SGCZ: variants seen among roughly 807,000 people sequenced by gnomAD.
SGCZ encodes the protein sarcoglycan zeta.
SGCZ carries 40 observed loss-of-function variants against 41.3 expected under a neutral mutation model. The ratio of observed to expected loss-of-function variants is 0.97; its 90% CI spans 0.75 to 1.26. SGCZ has a LOEUF of 1.26. SGCZ is among the 50% of genes most tolerant of loss of function. The probability of loss-of-function intolerance (pLI) is 0.00; values close to 1 mark genes in which losing one functional copy is unlikely to be tolerated. For synonymous variants in SGCZ, 206 were observed against 137.5 expected, an observed-to-expected ratio of 1.50 and a Z score of -3.49; for missense variants, 552 against 369.8, an observed-to-expected ratio of 1.49 and a Z score of -4.04.
intron 1 of SGCZ, among the ~76,000 whole-genome samples, chr8:14,664,063 G>C (rs1348741802): frequency 6.6e-6 from 1 of 152,170 alleles, no homozygotes; most frequent in African/African-American, 2.4e-5. Flanking sequence ...ATAGAGCTAA[G>C]TGCTGTATTT....
intron 1 of SGCZ, among the ~76,000 whole-genome samples, chr8:14,952,302 A>G (rs573252412): frequency 6.6e-6 from 1 of 152,228 alleles, no homozygotes; most frequent in East Asian, 1.9e-4. Flanking sequence ...TTTAAAACCA[A>G]TTTGAAGTTA....
At chr8:14,207,981 A>C (rs1805672607) in intron 4 of SGCZ, among the ~76,000 whole-genome samples, 1 of 152,262 alleles carries the variant, frequency 6.6e-6, no homozygotes, top group East Asian at 1.9e-4. Flanking sequence ...AAAATGCTGA[A>C]CTGTCTTTAT....
intron 1 of SGCZ, among the ~76,000 whole-genome samples, chr8:14,959,388 G>A (rs1800892510): frequency 6.6e-6 from 1 of 152,028 alleles, no homozygotes; most frequent in Admixed American, 6.6e-5. Flanking sequence ...TTTCAAATTA[G>A]CAAGATTATA....
At chr8:15,076,295 G>A (rs188254201) in intron 1 of SGCZ, among the ~76,000 whole-genome samples, 89 of 152,256 alleles carry the variant, frequency 5.8e-4, no homozygotes, top group Non-Finnish European at 2.4e-4. Context: ...GGAAGTATAT[G>A]TGTTAGAGGT....
At chr8:14,858,986 T>G (rs1803633213) in intron 1 of SGCZ, among the ~76,000 whole-genome samples, 1 of 152,096 alleles carries the variant, frequency 6.6e-6, no homozygotes, top group Admixed American at 6.6e-5. Context: ...TTGCTAATTT[T>G]TGAAAAAAAG....
chr8:14,682,507 T>C (rs965560597), intron 1 of SGCZ, among the ~76,000 whole-genome samples: 1 of 150,664 alleles, frequency 6.6e-6, no homozygotes, highest in Non-Finnish European at 1.5e-5. Flanking sequence ...CAATCACGGC[T>C]CACTGCAATC....
rs183036296 is a variant in SGCZ, at chr8:14,615,437, T to C, written c.40-60511A>G. On this transcript the variant is annotated intron_variant, in intron 1 of 7. Transcript: ENST00000382080. Reference sequence around the variant, plus strand: ...TGCTGGGTGGAGCTCTCTGAACCCCTTCTGCTTCTGAGTACTGCCTGATTC... The same window carrying C: ...TGCTGGGTGGAGCTCTCTGAACCCCCTCTGCTTCTGAGTACTGCCTGATTC... 5.0e-4 allele frequency among the ~76,000 whole-genome samples: 76 copies of C among 152,334 alleles called. 2 individuals are homozygous for C. In the South Asian group the frequency reaches 8.5e-3, roughly 17 times the overall value.
Position 14,791,903 on chromosome 8 carries a change from TC to T in SGCZ, c.40-236978del, listed in dbSNP as rs1277534232. 3.9e-5 allele frequency among the ~76,000 whole-genome samples: 6 copies of T among 152,322 alleles called. 1 individual carries two copies. Among genetic ancestry groups the T allele is most frequent in the African/African-American group, 1.2e-4 (5 of 41,576 alleles). On this transcript the variant is annotated intron_variant, in intron 1 of 7. Transcript: ENST00000382080. ...ATACAGATGGGTTACCTAAATCAATTCTAGCCGCACTTTCTCAATGCAAAGC... is the reference window on the plus strand; with the variant it reads ...ATACAGATGGGTTACCTAAATCAATTTAGCCGCACTTTCTCAATGCAAAGC...
At position 14,780,268 on chromosome 8, in the gene SGCZ, G is replaced by A. The variant is rs7843005; in HGVS notation, c.40-225342C>T. 7.9e-3 allele frequency among the ~76,000 whole-genome samples: 1,190 copies of A among 151,444 alleles called. 14 individuals carry two copies. The highest frequency in any genetic ancestry group is 0.027 in the African/African-American group (1,099 of 41,212). On this transcript the variant is annotated intron_variant, in intron 1 of 7. Coordinates refer to ENST00000382080, the MANE Select transcript of SGCZ (RefSeq NM_139167.4). ...CGGGCACCTGTAGTCCCAGCTACTC[G>A]GGAGGCTGAGGCAGGAGAATAGCAC...
chr8:14,779,486 G>A (rs1282883809), intron 1 of SGCZ, among the ~76,000 whole-genome samples: 1 of 152,130 alleles, frequency 6.6e-6, no homozygotes, highest in Non-Finnish European at 1.5e-5. Context: ...GAGACCCTGA[G>A]CCTAATTTGC....
chr8:14,693,685 G>T (rs1046267538), intron 1 of SGCZ, among the ~76,000 whole-genome samples: 1 of 145,540 alleles, frequency 6.9e-6, no homozygotes, highest in South Asian at 2.3e-4. Context: ...CCGCCTCCCG[G>T]GTATAAGTGA....
chr8:14,410,001 T>A (rs1188144660), intron 2 of SGCZ, among the ~76,000 whole-genome samples: 1 of 152,142 alleles, frequency 6.6e-6, no homozygotes, highest in Non-Finnish European at 1.5e-5. Flanking sequence ...TAACCCTCCA[T>A]GGCCTGTTAG....
At chr8:15,018,727 G>C (rs996553182) in intron 1 of SGCZ, among the ~76,000 whole-genome samples, 2 of 152,236 alleles carry the variant, frequency 1.3e-5, no homozygotes, top group African/African-American at 4.8e-5. Context: ...GAAGGTTGTA[G>C]AAAGGGATGT....
intron 2 of SGCZ, among the ~76,000 whole-genome samples, chr8:14,440,458 A>G (rs1204866964): frequency 6.6e-6 from 1 of 152,112 alleles, no homozygotes; most frequent in Non-Finnish European, 1.5e-5. Flanking sequence ...CCAGAACACA[A>G]TGAAGTTTCC....
chr8:14,569,944 G>T (rs1804500806), intron 1 of SGCZ, among the ~76,000 whole-genome samples: 1 of 137,150 alleles, frequency 7.3e-6, no homozygotes, highest in African/African-American at 2.9e-5. Flanking sequence ...TGGGGCACTG[G>T]AATCTTTTTT....
chr8:14,240,337 A>AT lies in SGCZ; in HGVS notation c.337-2659_337-2658insA, dbSNP rs1296921852. Among the ~76,000 whole-genome samples the AT allele has an allele frequency of 1.3e-3, 100 of 78,466 alleles. 1 individual carries two copies. Among genetic ancestry groups the AT allele is most frequent in the African/African-American group, 3.8e-3 (97 of 25,698 alleles). The allele number at this position is 78,466 out of a possible 152,430, so 51.5% of individuals were successfully genotyped here. On this transcript the variant is annotated intron_variant, in intron 3 of 7. Transcript: ENST00000382080. Reference sequence around the variant, plus strand: ...AGCGAAACTCTGTGTCAAAAAAAAAAAAAAAAAAAAAAAAAAAAGAACTGA... The same window carrying AT: ...AGCGAAACTCTGTGTCAAAAAAAAAATAAAAAAAAAAAAAAAAAAGAACTGA...
At chr8:14,372,100 A>C (rs2117164091) in intron 2 of SGCZ, among the ~76,000 whole-genome samples, 1 of 152,292 alleles carries the variant, frequency 6.6e-6, no homozygotes, top group African/African-American at 2.4e-5. Flanking sequence ...AGGAATTGAA[A>C]GGATTTTAGG....
At chr8:14,509,599 A>T (rs1238609985) in intron 2 of SGCZ, among the ~76,000 whole-genome samples, 1 of 152,154 alleles carries the variant, frequency 6.6e-6, no homozygotes, top group Non-Finnish European at 1.5e-5. Context: ...TTCGCACCAG[A>T]AGAACATGAA....
chr8:14,743,951 T>C (rs1799272208), intron 1 of SGCZ, among the ~76,000 whole-genome samples: 1 of 152,130 alleles, frequency 6.6e-6, no homozygotes, highest in South Asian at 2.1e-4. Context: ...TTTCTTTGCC[T>C]GTTGTTTCAT....
Sources: gnomAD v4.1 joint callset for allele counts (sites outside exome capture counted in the v4.1 genomes callset) on GRCh38, gnomAD v4.1.1 for gene constraint, MANE v1.5 for transcripts, NCBI Gene and HGNC (gene_info 2026-07-23, HGNC 2026-07-21) for gene names.